Variants in PWP1 observed in about 807,000 individuals in gnomAD.
PWP1 encodes PWP1 homolog, endonuclein, also known as periodic tryptophan protein 1 homolog.
In PWP1, 47 loss-of-function variants were observed where a neutral mutation model predicts 69.9. That is an observed-to-expected ratio of 0.67 (90% CI 0.53 to 0.86). The LOEUF is 0.86. PWP1 is among the 40% of genes least tolerant of loss of function. The pLI, the probability that PWP1 is intolerant of heterozygous loss-of-function variation, is 0.00. For synonymous variants in PWP1, 222 were observed against 208.2 expected, an observed-to-expected ratio of 1.07 and a Z score of -0.57; for missense variants, 551 against 608.8, an observed-to-expected ratio of 0.91 and a Z score of 1.00.
intron 8 of PWP1, among the ~76,000 whole-genome samples, chr12:107,700,958 G>A (rs904426197): frequency 6.6e-6 from 1 of 151,976 alleles, no homozygotes; most frequent in Non-Finnish European, 1.5e-5. Flanking sequence ...TCAAATTCTT[G>A]GGCTCAAGCA....
rs777258926 is a variant in PWP1, at chr12:107,704,669, T to C, written c.999T>C (p.Asp333=). 11 of 1,613,892 alleles carry C rather than the reference T, an allele frequency of 6.8e-6. No individual in the cohort carries two copies. The highest frequency in any genetic ancestry group is 9.3e-6 in the Non-Finnish European group (11 of 1,179,918). The change falls in exon 11 of 15, where the codon GAT becomes GAC. Residue 333 remains aspartate, a synonymous_variant. Coordinates refer to ENST00000412830, the MANE Select transcript of PWP1 (RefSeq NM_007062.3). ...CTTTGTATGACTGCCGAAGTCCAGA[T>C]GAAAGCCATCGAATGTGGCGATTCA... ...SVALYDCRSP[D]ESHRMWRFSG... is the part of the protein sequence containing the mutation.
chr12:107,686,022 G>C (rs1234841907), intron 1 of PWP1, 51 bp downstream of exon 1: 2 of 1,591,808 alleles, frequency 1.3e-6, no homozygotes, highest in South Asian at 2.2e-5. Flanking sequence ...TACGGCACTG[G>C]GGGTCCGCCC....
chr12:107,707,053 G>A (rs936720184), intron 11 of PWP1, among the ~76,000 whole-genome samples: 1 of 151,956 alleles, frequency 6.6e-6, no homozygotes, highest in African/African-American at 2.4e-5. Flanking sequence ...TCTTCCATTT[G>A]TTTGTGTCCT....
At chr12:107,689,567 G>A (rs183654504) in intron 3 of PWP1, among the ~76,000 whole-genome samples, 9 of 152,272 alleles carry the variant, frequency 5.9e-5, no homozygotes, top group East Asian at 1.9e-4. Flanking sequence ...CCAACATGGC[G>A]AAACCCTGTC....
In PWP1 at chr12:107,686,045, G is replaced by T. The variant is rs565845892; in HGVS notation, c.72+74G>T. ...TGGGGGTCCGCCCAGCTGGGGGAAC[G>T]TGGACCCGGAACTCGGGGCGTTGGC... On this transcript the variant is annotated intron_variant, in intron 1 of 14. Coordinates refer to ENST00000412830, the MANE Select transcript of PWP1 (RefSeq NM_007062.3). 3.3e-6 allele frequency: 5 copies of T among 1,536,532 alleles called. No individual in the cohort carries two copies. In the African/African-American group the frequency reaches 6.8e-5, roughly 21 times the overall value.
At position 107,704,626 on chromosome 12, in the gene PWP1, A is replaced by G. The variant is rs1290670747; in HGVS notation, c.966-10A>G. ...CTCTTAAAACCCTAACTTTGCCTGA[A>G]TGTGTCTAGGTCAGTGGCTTTGTAT... On this transcript the variant is annotated splice_polypyrimidine_tract_variant and intron_variant, in intron 10 of 14. Coordinates refer to ENST00000412830, the MANE Select transcript of PWP1 (RefSeq NM_007062.3). 6.2e-7 allele frequency: 1 copy of G among 1,610,062 alleles called. No homozygotes were observed. Among genetic ancestry groups the G allele is most frequent in the East Asian group, 2.2e-5 (1 of 44,850 alleles).
At chr12:107,702,163 T>G (rs568964355) in intron 8 of PWP1, among the ~76,000 whole-genome samples, 1 of 152,230 alleles carries the variant, frequency 6.6e-6, no homozygotes, top group Non-Finnish European at 1.5e-5. Context: ...CCAGGAAATA[T>G]GAACTTGCCA....
chr12:107,690,135 GAAACAAAAATTAACTCTTAATAC>G (rs1476087705), intron 3 of PWP1, among the ~76,000 whole-genome samples: 1 of 152,166 alleles, frequency 6.6e-6, no homozygotes, highest in East Asian at 1.9e-4. Context: ...TAGATGATCG[GAAACAAAAATTAACTCTTAATAC>G]AAATGTTATC....
Position 107,685,816 on chromosome 12 carries a change from C to A in PWP1, c.-84C>A. On this transcript the variant is annotated 5_prime_UTR_variant, in exon 1 of 15. Coordinates refer to ENST00000412830, the MANE Select transcript of PWP1 (RefSeq NM_007062.3). ...GCCCTGGCAGCGGCCCTGTGCAGATCCCTGAGCGTGTGGCAGCAGTGCGGT... is the reference window on the plus strand; with the variant it reads ...GCCCTGGCAGCGGCCCTGTGCAGATACCTGAGCGTGTGGCAGCAGTGCGGT... 6.8e-6 allele frequency: 10 copies of A among 1,470,612 alleles called. No homozygotes were observed. Among genetic ancestry groups the A allele is most frequent in the Admixed American group, 3.4e-5 (2 of 59,110 alleles). 91.1% of individuals were successfully genotyped at this position (1,470,612 alleles called of 1,614,324 possible).
At chr12:107,694,053 T>C (rs530636051) in intron 5 of PWP1, among the ~76,000 whole-genome samples, 2 of 152,270 alleles carry the variant, frequency 1.3e-5, no homozygotes, top group East Asian at 1.9e-4. Context: ...GGCATGAAAA[T>C]AGGAATTTTT....
At position 107,688,741 on chromosome 12, in the gene PWP1, G is replaced by A. The variant is rs758489113; in HGVS notation, c.258G>A (p.Thr86=). ...ATGGTGACCCAGAGGATGACAGGAC[G>A]CTTGATGATGATGAGCTGGCTGAGT... ...LEDGDPEDDR[T]LDDDELAEYD... Residue 86 remains threonine (T), a synonymous_variant, in exon 3 of 15, where the codon ACG becomes ACA. Transcript: ENST00000412830. 24 of 1,614,088 alleles carry A rather than the reference G, an allele frequency of 1.5e-5. No homozygotes were observed. The highest frequency in any genetic ancestry group is 4.0e-5 in the African/African-American group (3 of 74,928).
At chr12:107,693,856 T>G (rs1044512860) in intron 5 of PWP1, among the ~76,000 whole-genome samples, 2 of 152,226 alleles carry the variant, frequency 1.3e-5, no homozygotes, top group African/African-American at 2.4e-5. Context: ...AGACAGGTTT[T>G]TCTCATGTTT....
chr12:107,703,915 G>A (rs1048258572), intron 10 of PWP1, among the ~76,000 whole-genome samples, 169 bp downstream of exon 10: 27 of 152,244 alleles, frequency 1.8e-4, no homozygotes, highest in South Asian at 1.7e-3. Flanking sequence ...AGTCTACAAC[G>A]GAACATGATT....
intron 5 of PWP1, among the ~76,000 whole-genome samples, chr12:107,696,055 TAG>T (rs1297743957): frequency 8.2e-6 from 1 of 121,284 alleles, no homozygotes; most frequent in Non-Finnish European, 1.7e-5. Flanking sequence ...TTTTTTGAGA[TAG>T]AGTCTCACTA....
At position 107,696,503 on chromosome 12, in the gene PWP1, G is replaced by A. The variant is rs937991295; in HGVS notation, c.532G>A (p.Val178Ile). ...TAATCAAGAAGAAGACTCTTTTTAT[G>A]TACACCATGATATACTCTTGTCTGC... ...VYNQEEDSFY[V>I]HHDILLSAYP... Residue 178 changes from valine (V) to isoleucine (I), a missense_variant, in exon 6 of 15, where the codon GTA becomes ATA. By Grantham distance (29) the Val-to-Ile change is conservative. Transcript: ENST00000412830. The A allele has an allele frequency of 6.2e-7, 1 of 1,613,880 alleles. No individual in the cohort carries two copies. The highest frequency in any genetic ancestry group is 2.2e-5 in the East Asian group (1 of 44,858).
At chr12:107,704,008 A>G (rs1212988681) in intron 10 of PWP1, among the ~76,000 whole-genome samples, 1 of 152,230 alleles carries the variant, frequency 6.6e-6, no homozygotes, top group African/African-American at 2.4e-5. Flanking sequence ...AAGAATTTCC[A>G]TGTCACATGA....
chr12:107,688,030 C>CA (rs56255249), intron 1 of PWP1, among the ~76,000 whole-genome samples: 454 of 37,608 alleles, frequency 0.012, 68 homozygotes, highest in Non-Finnish European at 0.015. Flanking sequence ...GACTCCGTCT[C>CA]AAAAAAAAAA....
intron 1 of PWP1, 111 bp downstream of exon 1, chr12:107,686,082 G>A (rs1017195965): frequency 8.4e-7 from 1 of 1,194,150 alleles, no homozygotes. Flanking sequence ...GGTGCGACTG[G>A]CTGGGGTGAG....
At chr12:107,707,223 T>C (rs1388346066) in intron 11 of PWP1, among the ~76,000 whole-genome samples, 4 of 152,236 alleles carry the variant, frequency 2.6e-5, no homozygotes, top group African/African-American at 7.2e-5. Flanking sequence ...ATAAGAATGC[T>C]TGTGATTTTT....
Sources: allele counts gnomAD v4.1 joint callset (sites outside exome capture counted in the v4.1 genomes callset), GRCh38; gene constraint gnomAD v4.1.1; transcripts MANE v1.5; gene names NCBI Gene and HGNC (gene_info 2026-07-23, HGNC 2026-07-21).